The following PTPN21 variants were observed in gnomAD, a reference collection of about 807,000 sequenced individuals.
PTPN21 encodes the protein protein tyrosine phosphatase non-receptor type 21.
A neutral mutation model predicts 131.8 loss-of-function variants in PTPN21; 77 were observed. That is an observed-to-expected ratio of 0.58 (90% CI 0.49 to 0.71). The LOEUF (loss-of-function observed/expected upper bound fraction) is 0.71, where lower values mean the gene tolerates loss of function less well. Ranked by LOEUF, PTPN21 falls within the 30% of genes least tolerant of loss-of-function variation. The pLI, the probability that PTPN21 is intolerant of heterozygous loss-of-function variation, is 0.00. For synonymous variants in PTPN21, 715 were observed against 621.3 expected, an observed-to-expected ratio of 1.15 and a Z score of -2.24; for missense variants, 1,552 against 1,527.1, an observed-to-expected ratio of 1.02 and a Z score of -0.27.
intron 12 of PTPN21, among the ~76,000 whole-genome samples, 185 bp downstream of exon 12, chr14:88,484,891 A>AAAAC (rs369940592): frequency 7.9e-5 from 12 of 152,016 alleles, no homozygotes; most frequent in East Asian, 3.9e-4. Context: ...TGTCTCCAAA[A>AAAAC]AAACAAACAA....
At position 88,467,843 on chromosome 14, in the gene PTPN21, T is replaced by C. The variant is rs2077388859; in HGVS notation, c.*294A>G. 1.2e-5 allele frequency: 4 copies of C among 329,346 alleles called. No homozygotes were observed. The highest frequency in any genetic ancestry group is 2.2e-5 in the Non-Finnish European group (4 of 180,452). The allele number at this position is 329,346 out of a possible 1,614,324, so 20.4% of individuals were successfully genotyped here. A position where few individuals can be genotyped will look rare whatever the true frequency, so the allele number is the denominator to read the frequency against. ...ATAGCTTCAGTAAAATAGAGAATTG[T>C]CTAGAAAATACAATCTCCAAAATGT... On this transcript the variant is annotated 3_prime_UTR_variant, in exon 19 of 19. Transcript: ENST00000556564.
chr14:88,505,197 C>A, intron 5 of PTPN21, 107 bp downstream of exon 5: 1 of 925,590 alleles, frequency 1.1e-6, no homozygotes, highest in Non-Finnish European at 1.6e-6. Flanking sequence ...TTTTTATAAT[C>A]CTATTCCTGA....
At chr14:88,470,121 T>C in intron 15 of PTPN21, 71 bp from the exon 16 acceptor site, 5 of 1,477,782 alleles carry the variant, frequency 3.4e-6, no homozygotes, top group Admixed American at 2.1e-5. Context: ...CATGCATTCA[T>C]GGTAGTACTA....
At chr14:88,531,726 AC>A (rs2078557923) in intron 2 of PTPN21, among the ~76,000 whole-genome samples, 2 of 152,214 alleles carry the variant, frequency 1.3e-5, no homozygotes, top group African/African-American at 4.8e-5. Flanking sequence ...AGAAACAAGA[AC>A]CAACCAAACC....
In PTPN21 at chr14:88,479,331, G is replaced by A; in HGVS notation, c.2100C>T (p.Ser700=). Residue 700 remains serine (S), a synonymous_variant, in exon 13 of 19, where the codon TCC becomes TCT. Transcript: ENST00000556564. ...AEGLRYGHKK[S]LSDATMLIHS... ...GGATTAGCATGGTGGCGTCCGACAG[G>A]GACTTCTTATGGCCGTACCTCAAGC... 1.2e-6 allele frequency: 2 copies of A among 1,613,432 alleles called. No individual in the cohort carries two copies. The highest frequency in any genetic ancestry group is 1.7e-6 in the Non-Finnish European group (2 of 1,179,644).
In PTPN21 at chr14:88,503,494, C is replaced by T. The variant is rs555002176; in HGVS notation, c.587+931G>A. On this transcript the variant is annotated intron_variant, in intron 6 of 18. Coordinates refer to ENST00000556564, the MANE Select transcript of PTPN21 (RefSeq NM_007039.4). The stretch of plus-strand genomic sequence containing the variant: ...AATGACTTTCAACTTTACAGTGGTA[C>T]AAAGGTGATACAAATTCAGTAGGAA... 1.2e-3 allele frequency among the ~76,000 whole-genome samples: 181 copies of T among 152,288 alleles called. 2 individuals are homozygous for T. Among genetic ancestry groups the T allele is most frequent in the African/African-American group, 4.0e-3 (168 of 41,562 alleles).
At chr14:88,473,898 G>C (rs2077508274) in intron 13 of PTPN21, 96 bp from the exon 14 acceptor site, 1 of 1,118,352 alleles carries the variant, frequency 8.9e-7, no homozygotes, top group Non-Finnish European at 1.3e-6. Flanking sequence ...CACACAGAGG[G>C]AGTGTTCTCC....
chr14:88,517,933 AGT>A (rs1048844909), intron 2 of PTPN21, among the ~76,000 whole-genome samples: 3 of 147,708 alleles, frequency 2.0e-5, no homozygotes, highest in South Asian at 4.2e-4. Flanking sequence ...TGATAAATTT[AGT>A]GTTTTAGTAA....
chr14:88,488,463 T>G (rs985027184), intron 10 of PTPN21, among the ~76,000 whole-genome samples: 1 of 152,220 alleles, frequency 6.6e-6, no homozygotes, highest in African/African-American at 2.4e-5. Flanking sequence ...AACCTTCTCT[T>G]TCTTCTTGGC....
chr14:88,469,473 C>G lies in PTPN21; in HGVS notation c.3235+26G>C. On this transcript the variant is annotated intron_variant, in intron 17 of 18. Coordinates refer to ENST00000556564, the MANE Select transcript of PTPN21 (RefSeq NM_007039.4). The surrounding 1 kb of genome is among the most constrained non-coding windows in gnomAD (Gnocchi z 4.3). ...TTTAACACCTCCAGAGGCAGCTGTC[C>G]TCGGAACAAAGTTAAAGTCACTCAC... The G allele has an allele frequency of 1.3e-6, 2 of 1,568,834 alleles. No individual in the cohort carries two copies. Among genetic ancestry groups the G allele is most frequent in the Non-Finnish European group, 1.8e-6 (2 of 1,139,264 alleles).
rs1405056280 is a variant in PTPN21, at chr14:88,466,555, TAAG to T, written c.*1579_*1581del. The T allele has an allele frequency of 6.6e-6, 1 of 152,162 alleles. No individual in the cohort carries two copies. The highest frequency in any genetic ancestry group is 1.5e-5 in the Non-Finnish European group (1 of 68,044). The allele number at this position is 152,162 out of a possible 1,614,324, so 9.4% of individuals were successfully genotyped here. A position where few individuals can be genotyped will look rare whatever the true frequency, so the allele number is the denominator to read the frequency against. Reference sequence around the variant, plus strand: ...GATTTGACATTTTGGAAGTTCACTGTAAGAAGAGACCCCAAAAAGAAGGAAAAG... The same window carrying T: ...GATTTGACATTTTGGAAGTTCACTGTAAGAGACCCCAAAAAGAAGGAAAAG... On this transcript the variant is annotated 3_prime_UTR_variant, in exon 19 of 19. Coordinates refer to ENST00000556564, the MANE Select transcript of PTPN21 (RefSeq NM_007039.4).
chr14:88,491,086 A>C (rs1221238266), intron 10 of PTPN21, among the ~76,000 whole-genome samples: 2 of 152,202 alleles, frequency 1.3e-5, no homozygotes, highest in Non-Finnish European at 2.9e-5. Context: ...ACCATAAAGG[A>C]ATATTAAGTA....
intron 5 of PTPN21, 101 bp downstream of exon 5, chr14:88,505,203 C>A: frequency 1.0e-6 from 1 of 978,562 alleles, no homozygotes; most frequent in Non-Finnish European, 1.5e-6. Flanking sequence ...TAATCCTATT[C>A]CTGACAGTAA....
intron 15 of PTPN21, 48 bp from the exon 16 acceptor site, chr14:88,470,098 A>C: frequency 6.4e-7 from 1 of 1,574,234 alleles, no homozygotes; most frequent in Non-Finnish European, 8.7e-7. Flanking sequence ...TATAATATAC[A>C]TAGGTATGTA....
chr14:88,494,461 A>T (rs2077873530), intron 10 of PTPN21, among the ~76,000 whole-genome samples: 1 of 151,992 alleles, frequency 6.6e-6, no homozygotes, highest in African/African-American at 2.4e-5. Context: ...AAAGTCCAGA[A>T]GTTTGAGACC....
At chr14:88,489,544 G>A (rs371486928) in intron 10 of PTPN21, among the ~76,000 whole-genome samples, 1 of 152,046 alleles carries the variant, frequency 6.6e-6, no homozygotes, top group Non-Finnish European at 1.5e-5. Flanking sequence ...TTCAGAAGCT[G>A]AGGGCTGAGG....
intron 13 of PTPN21, chr14:88,474,016 G>C (rs556053647): frequency 5.1e-4 from 217 of 423,738 alleles, no homozygotes; most frequent in Non-Finnish European, 7.5e-4. Flanking sequence ...AAGTCTTCCA[G>C]ATAGAAGGTT....
intron 3 of PTPN21, 54 bp downstream of exon 3, chr14:88,517,038 T>C: frequency 7.0e-6 from 11 of 1,575,628 alleles, no homozygotes; most frequent in Non-Finnish European, 9.5e-6. Context: ...TTAGTTTCAC[T>C]TTTTACATCT....
intron 4 of PTPN21, among the ~76,000 whole-genome samples, chr14:88,506,023 A>C (rs1180588001): frequency 1.3e-5 from 2 of 152,124 alleles, no homozygotes; most frequent in Non-Finnish European, 2.9e-5. Flanking sequence ...AATGCCAGTT[A>C]TTGTTTGAAA....
Sources: gnomAD v4.1 joint callset for allele counts (sites outside exome capture counted in the v4.1 genomes callset) on GRCh38, gnomAD v4.1.1 for gene constraint, Gnocchi (gnomAD v3.1) non-coding constraint, MANE v1.5 for transcripts, NCBI Gene and HGNC (gene_info 2026-07-23, HGNC 2026-07-21) for gene names.